GEMIN5: variants seen among roughly 807,000 people sequenced by gnomAD.
GEMIN5 encodes gem-associated protein 5.
Under a neutral mutation model 176.9 loss-of-function variants are expected in GEMIN5, and 124 were observed. That is an observed-to-expected ratio of 0.70 (90% confidence interval 0.61 to 0.81). The LOEUF is 0.81. Among genes scored for constraint, GEMIN5 ranks in the 40% least tolerant of loss-of-function variants. The pLI is 0.00. For missense variants in GEMIN5, 1,843 were observed against 1,814.6 expected (o/e 1.02, Z -0.28); for synonymous variants, 673 against 665.2 (o/e 1.01, Z -0.18).
At chr5:154,921,315 T>C (rs1416455662) in intron 10 of GEMIN5, 28 bp downstream of exon 10, 5 of 939,866 alleles carry the variant, frequency 5.3e-6, no homozygotes, top group African/African-American at 1.6e-5. Flanking sequence ...TACTCTCATA[T>C]TTGTTATGGA....
At chr5:154,890,221 T>A (rs1763196267) in intron 26 of GEMIN5, among the ~76,000 whole-genome samples, 1 of 152,240 alleles carries the variant, frequency 6.6e-6, no homozygotes, top group African/African-American at 2.4e-5. Context: ...ATGTTGAGCA[T>A]CATTTCCTGT....
chr5:154,920,390 G>C (rs1264955669), intron 10 of GEMIN5, among the ~76,000 whole-genome samples: 1 of 152,118 alleles, frequency 6.6e-6, no homozygotes, highest in Non-Finnish European at 1.5e-5. Flanking sequence ...CAAAAGCTGG[G>C]ATCAGAAAAC....
intron 11 of GEMIN5, among the ~76,000 whole-genome samples, chr5:154,919,399 C>A (rs922023026): frequency 6.6e-6 from 1 of 152,198 alleles, no homozygotes; most frequent in South Asian, 2.1e-4. Context: ...AAAGACAGTT[C>A]TGGCACATAC....
At chr5:154,922,817 C>T (rs1474352561) in intron 9 of GEMIN5, among the ~76,000 whole-genome samples, 1 of 151,666 alleles carries the variant, frequency 6.6e-6, no homozygotes, top group Non-Finnish European at 1.5e-5. Flanking sequence ...CTACCTCAGC[C>T]TCCCGAGTAG....
intron 23 of GEMIN5, 148 bp from the exon 24 acceptor site, chr5:154,896,491 G>T: frequency 1.5e-6 from 1 of 685,172 alleles, no homozygotes; most frequent in Non-Finnish European, 2.2e-6. Flanking sequence ...TATGAGTCAT[G>T]CATGAAAAGA....
intron 9 of GEMIN5, among the ~76,000 whole-genome samples, chr5:154,924,213 G>A (rs1348895243): frequency 6.6e-6 from 1 of 152,182 alleles, no homozygotes; most frequent in Non-Finnish European, 1.5e-5. Flanking sequence ...AATGACTACT[G>A]TAGTGGAGAA....
chr5:154,916,215 T>C (rs1281052450), intron 13 of GEMIN5, among the ~76,000 whole-genome samples: 1 of 152,082 alleles, frequency 6.6e-6, no homozygotes, highest in East Asian at 1.9e-4. Context: ...AACAGCAAGA[T>C]AGATCCTTGT....
Position 154,924,459 on chromosome 5 carries a change from C to T in GEMIN5, c.1379+10G>A, listed in dbSNP as rs1763985909. 1 of 1,563,760 alleles carries T rather than the reference C, an allele frequency of 6.4e-7. No individual in the cohort carries two copies. The highest frequency in any genetic ancestry group is 1.7e-5 in the Admixed American group (1 of 59,428). On this transcript the variant is annotated intron_variant, in intron 9 of 27. Transcript: ENST00000285873. Reference sequence around the variant, plus strand: ...GGGCCACAATGGAAGAAGAATCACCCATTTCTTACTTGTTGGAGTAGGTGT... The same window carrying T: ...GGGCCACAATGGAAGAAGAATCACCTATTTCTTACTTGTTGGAGTAGGTGT...
chr5:154,909,030 C>T (rs1299770905), intron 15 of GEMIN5, among the ~76,000 whole-genome samples: 1 of 151,968 alleles, frequency 6.6e-6, no homozygotes, highest in Non-Finnish European at 1.5e-5. Flanking sequence ...TCTCCGTTCA[C>T]GGCAGCCTTA....
At position 154,930,629 on chromosome 5, in the gene GEMIN5, A is replaced by C. The variant is rs552339119; in HGVS notation, c.781+829T>G. On this transcript the variant is annotated intron_variant, in intron 5 of 27. Coordinates refer to ENST00000285873, the MANE Select transcript of GEMIN5 (RefSeq NM_015465.5). ...ATATGTATAACTTCACTCAAAGGAAATACTCAGAGTAGTCAAAATCATAGA... is the reference window on the plus strand; with the variant it reads ...ATATGTATAACTTCACTCAAAGGAACTACTCAGAGTAGTCAAAATCATAGA... 7.9e-5 allele frequency among the ~76,000 whole-genome samples: 12 copies of C among 152,340 alleles called. 1 individual carries two copies. The highest frequency in any genetic ancestry group is 2.9e-4 in the African/African-American group (12 of 41,590).
rs1241013607 is a variant in GEMIN5 at position 154,926,004 on chromosome 5, C to T, written c.1151G>A (p.Ser384Asn). The change falls in exon 8 of 28, where the codon AGC (serine) becomes AAC (asparagine). Residue 384 changes from serine to asparagine, a missense_variant. Coordinates refer to ENST00000285873, the MANE Select transcript of GEMIN5 (RefSeq NM_015465.5). ...TATGTCCACAGAAGAGAAAGCCAGG[C>T]TGTATGCAAACCCACCAAGGGAAGG... ...TLPSLGGFAY[S>N]LAFSSVDIGS... The T allele has an allele frequency of 3.1e-6, 5 of 1,613,678 alleles. No homozygotes were observed. Among genetic ancestry groups the T allele is most frequent in the South Asian group, 1.1e-5 (1 of 91,080 alleles).
intron 5 of GEMIN5, among the ~76,000 whole-genome samples, chr5:154,929,337 CA>C (rs1410075127): frequency 2.0e-5 from 3 of 152,082 alleles, no homozygotes; most frequent in Non-Finnish European, 4.4e-5. Context: ...GACATAACTC[CA>C]AAGTGAAAAG....
intron 2 of GEMIN5, among the ~76,000 whole-genome samples, chr5:154,936,329 A>AT (rs949110461): frequency 6.6e-6 from 1 of 151,710 alleles, no homozygotes; most frequent in African/African-American, 2.4e-5. Flanking sequence ...AGGCAGGAGA[A>AT]TGGCGTCAAC....
intron 13 of GEMIN5, among the ~76,000 whole-genome samples, chr5:154,914,883 AAT>A (rs1179630614): frequency 2.6e-4 from 40 of 152,362 alleles, no homozygotes; most frequent in African/African-American, 8.7e-4. Context: ...GAATAAAGCC[AAT>A]ATGACAACAC....
chr5:154,924,498 T>G lies in GEMIN5; in HGVS notation c.1350A>C (p.Lys450Asn). ...GCLAFGTDDGKVGLYDTYSNK... is the reference protein window; with the variant it reads ...GCLAFGTDDGNVGLYDTYSNK... Reference sequence around the variant, plus strand: ...TGGAGTAGGTGTCATACAATCCCACTTTTCCATCATCAGTTCCAAAAGCTA... The same window carrying G: ...TGGAGTAGGTGTCATACAATCCCACGTTTCCATCATCAGTTCCAAAAGCTA... Residue 450 changes from lysine to asparagine, a missense_variant, in exon 9 of 28, where the codon AAA becomes AAC. Lys to Asn is a moderately conservative substitution (Grantham distance 94). Coordinates refer to ENST00000285873, the MANE Select transcript of GEMIN5 (RefSeq NM_015465.5). 1.2e-6 allele frequency: 2 copies of G among 1,611,358 alleles called. No individual in the cohort carries two copies. The highest frequency in any genetic ancestry group is 1.7e-6 in the Non-Finnish European group (2 of 1,177,572).
intron 25 of GEMIN5, 41 bp from the exon 26 acceptor site, chr5:154,891,783 T>C (rs1763234466): frequency 1.3e-6 from 2 of 1,526,488 alleles, no homozygotes; most frequent in African/African-American, 2.8e-5. Flanking sequence ...TGCATTTCTC[T>C]AGTTGCCAGA....
intron 3 of GEMIN5, among the ~76,000 whole-genome samples, chr5:154,932,900 A>C (rs1384727545): frequency 1.3e-5 from 2 of 152,210 alleles, no homozygotes; most frequent in African/African-American, 2.4e-5. Flanking sequence ...GTCCTAGTGC[A>C]CTGGAAAATA....
intron 26 of GEMIN5, among the ~76,000 whole-genome samples, chr5:154,889,884 G>T (rs1763188536): frequency 6.6e-6 from 1 of 152,182 alleles, no homozygotes; most frequent in South Asian, 2.1e-4. Context: ...TGGATACTTA[G>T]GTTGCTCCCG....
intron 9 of GEMIN5, among the ~76,000 whole-genome samples, chr5:154,921,790 C>T (rs1257921573): frequency 6.6e-6 from 1 of 152,174 alleles, no homozygotes; most frequent in Non-Finnish European, 1.5e-5. Context: ...TTTAGACTTA[C>T]TCTGTGCCAT....
Sources: allele counts gnomAD v4.1 joint callset (sites outside exome capture counted in the v4.1 genomes callset), GRCh38; gene constraint gnomAD v4.1.1; transcripts MANE v1.5; gene names NCBI Gene and HGNC (gene_info 2026-07-23, HGNC 2026-07-21).